SHANK2: variants seen among roughly 807,000 people sequenced by gnomAD.
SHANK2 encodes the protein SH3 and multiple ankyrin repeat domains protein 2.
SHANK2 carries 43 observed loss-of-function variants against 133.7 expected under a neutral mutation model. That is an observed-to-expected ratio of 0.32 (90% CI 0.25 to 0.41). SHANK2 has a LOEUF of 0.41. Among genes scored for constraint, SHANK2 ranks in the 10% least tolerant of loss-of-function variants. SHANK2 has a pLI of 1.00. For synonymous variants in SHANK2, 1,017 were observed against 952.8 expected, an observed-to-expected ratio of 1.07 and a Z score of -1.24; for missense variants, 1,994 against 2,235.8, an observed-to-expected ratio of 0.89 and a Z score of 2.18.
chr11:70,833,596 C>A (rs1008867789), intron 11 of SHANK2, among the ~76,000 whole-genome samples: 1 of 152,220 alleles, frequency 6.6e-6, no homozygotes, highest in East Asian at 1.9e-4. Flanking sequence ...GACTCTGGAT[C>A]CCCAAAAACA....
At position 70,930,659 on chromosome 11, in the gene SHANK2, C is replaced by CTTTTTTTTTTTTTTT. The variant is rs367913415; in HGVS notation, c.1108-34093_1108-34092insAAAAAAAAAAAAAAA. ...TTTTCTCTTGTTTTTATTTCTTTGT[C>CTTTTTTTTTTTTTTT]TTTTTTTTTTCTTTTTTTTTTTGAG... is the stretch of plus-strand genomic sequence containing the variant. On this transcript the variant is annotated intron_variant, in intron 10 of 25. Coordinates refer to ENST00000601538, the MANE Select transcript of SHANK2 (RefSeq NM_012309.5). Among the ~76,000 whole-genome samples the CTTTTTTTTTTTTTTT allele has an allele frequency of 3.5e-5, 4 of 114,192 alleles. 1 individual carries two copies. Among genetic ancestry groups the CTTTTTTTTTTTTTTT allele is most frequent in the Admixed American group, 8.9e-5 (1 of 11,236 alleles). 74.9% of individuals were successfully genotyped at this position (114,192 alleles called of 152,430 possible).
intron 9 of SHANK2, among the ~76,000 whole-genome samples, chr11:71,065,444 T>G (rs1951038785): frequency 1.8e-4 from 7 of 38,548 alleles, no homozygotes; most frequent in South Asian, 9.1e-4. Context: ...AGATGAGCAG[T>G]GAGTGGGGAA....
intron 14 of SHANK2, among the ~76,000 whole-genome samples, chr11:70,780,369 A>G (rs1555044859): frequency 6.6e-6 from 1 of 152,080 alleles, no homozygotes; most frequent in Non-Finnish European, 1.5e-5. Context: ...CAGGCATTCG[A>G]TCCCCAGTAA....
chr11:70,719,660 G>A (rs925243960), intron 14 of SHANK2, among the ~76,000 whole-genome samples: 1 of 151,946 alleles, frequency 6.6e-6, no homozygotes, highest in African/African-American at 2.4e-5. Context: ...GGGCCCAGGG[G>A]GCTGCTGCTG....
At position 70,523,506 on chromosome 11, in the gene SHANK2, AG is replaced by A. The variant is rs1195576904; in HGVS notation, c.2062-20576del. Among the ~76,000 whole-genome samples, 9 of 152,226 alleles carry A rather than the reference AG, an allele frequency of 5.9e-5. No homozygotes were observed. The East Asian group carries it at 1.7e-3, about 30-fold the overall frequency. ...GCCTGAGGACGGGTGTGTGACTGGA[AG>A]GGGGGATGCAGAGGCCCTGCTCTGC... On this transcript the variant is annotated intron_variant, in intron 17 of 25. Transcript: ENST00000601538.
chr11:71,131,528 G>C (rs1555103705), intron 3 of SHANK2, among the ~76,000 whole-genome samples: 1 of 152,162 alleles, frequency 6.6e-6, no homozygotes, highest in Non-Finnish European at 1.5e-5. Context: ...TGTATCTCCA[G>C]GCGATTAGTA....
At chr11:70,642,351 T>TG (rs148824166) in intron 17 of SHANK2, among the ~76,000 whole-genome samples, 5 of 32,130 alleles carry the variant, frequency 1.6e-4, no homozygotes, top group Admixed American at 2.8e-4. Flanking sequence ...CTGTGGGGGG[T>TG]GGGGGGGAAA....
chr11:70,624,129 T>C (rs2060871384), intron 17 of SHANK2, among the ~76,000 whole-genome samples: 1 of 152,100 alleles, frequency 6.6e-6, no homozygotes. Flanking sequence ...GGCCCGGAGC[T>C]TCCTGGGAGC....
chr11:70,913,084 TAA>T (rs10719298), intron 10 of SHANK2, among the ~76,000 whole-genome samples: 4,213 of 142,144 alleles, frequency 0.03, 71 homozygotes, highest in Non-Finnish European at 0.032. Flanking sequence ...AAAAGGAAAT[TAA>T]AAAAAAAAAA....
chr11:70,494,223 GTC>G (rs1283615919), intron 21 of SHANK2, among the ~76,000 whole-genome samples: 1 of 152,222 alleles, frequency 6.6e-6, no homozygotes, highest in Non-Finnish European at 1.5e-5. Flanking sequence ...TCACAGTAGA[GTC>G]TGCATGAGGG....
rs1393664604 is a variant in SHANK2, at chr11:70,499,078, A to G, written c.2308+1492T>C. ...TTTCCGAGGCGAGGCCAGTCCTCCCAGAGACAGGTGGAGGCAGCACGAGGG... is the reference window on the plus strand; with the variant it reads ...TTTCCGAGGCGAGGCCAGTCCTCCCGGAGACAGGTGGAGGCAGCACGAGGG... On this transcript the variant is annotated intron_variant, in intron 21 of 25. Transcript: ENST00000601538. 2.6e-5 allele frequency among the ~76,000 whole-genome samples: 4 copies of G among 152,242 alleles called. No individual in the cohort carries two copies. In the East Asian group the frequency reaches 5.8e-4, roughly 22 times the overall value.
intron 10 of SHANK2, among the ~76,000 whole-genome samples, chr11:70,913,449 GA>G (rs1285888176): frequency 1.3e-5 from 2 of 152,140 alleles, no homozygotes; most frequent in African/African-American, 4.8e-5. Context: ...ACTGTATTAG[GA>G]AAATTCTAAA....
At chr11:70,826,277 C>A (rs1590730842) in intron 11 of SHANK2, among the ~76,000 whole-genome samples, 2 of 152,214 alleles carry the variant, frequency 1.3e-5, no homozygotes, top group African/African-American at 4.8e-5. Context: ...GCGAGACCTT[C>A]CACCGCGTTA....
chr11:70,687,534 T>C (rs947657992), intron 15 of SHANK2, among the ~76,000 whole-genome samples: 1 of 143,680 alleles, frequency 7.0e-6, no homozygotes, highest in Non-Finnish European at 1.5e-5. Flanking sequence ...AATCAGTAAA[T>C]GCTACCAATC....
At chr11:70,896,696 T>C in intron 10 of SHANK2, 129 bp from the exon 11 acceptor site, 1 of 620,218 alleles carries the variant, frequency 1.6e-6, no homozygotes, top group Non-Finnish European at 2.9e-6. Context: ...GCAGCCGCAA[T>C]ATCAACACTC....
At chr11:71,059,040 A>T (rs1333222337) in intron 9 of SHANK2, among the ~76,000 whole-genome samples, 2 of 152,172 alleles carry the variant, frequency 1.3e-5, no homozygotes, top group East Asian at 3.9e-4. Context: ...AACATGGTGA[A>T]ACCTTGTCTC....
chr11:70,836,374 G>A (rs782680525), intron 11 of SHANK2, among the ~76,000 whole-genome samples: 8 of 152,228 alleles, frequency 5.3e-5, no homozygotes, highest in South Asian at 2.1e-4. Flanking sequence ...GTCCGAGCCT[G>A]AGCCTGCAAG....
At chr11:71,185,337 T>C (rs1464108397) in intron 2 of SHANK2, among the ~76,000 whole-genome samples, 1 of 152,220 alleles carries the variant, frequency 6.6e-6, no homozygotes, top group Non-Finnish European at 1.5e-5. Flanking sequence ...CTCTCCACCC[T>C]TCCTACCTTC....
intron 14 of SHANK2, among the ~76,000 whole-genome samples, chr11:70,733,683 C>T (rs1946335135): frequency 6.6e-6 from 1 of 152,230 alleles, no homozygotes; most frequent in Admixed American, 6.5e-5. Flanking sequence ...TCTGTGGACC[C>T]CTGGCCTAGG....
Sources: gnomAD v4.1 joint callset for allele counts (sites outside exome capture counted in the v4.1 genomes callset) on GRCh38, gnomAD v4.1.1 for gene constraint, MANE v1.5 for transcripts, NCBI Gene and HGNC (gene_info 2026-07-23, HGNC 2026-07-21) for gene names.